Variants in MAP3K20 observed in about 807,000 individuals in gnomAD.
MAP3K20 encodes HCCS-4.
Under a neutral mutation model 85.7 loss-of-function variants are expected in MAP3K20, and 40 were observed. The ratio of observed to expected loss-of-function variants is 0.47; its 90% CI spans 0.36 to 0.61. The LOEUF (loss-of-function observed/expected upper bound fraction) is 0.61, where lower values mean the gene tolerates loss of function less well. Ranked by LOEUF, MAP3K20 falls within the 20% of genes least tolerant of loss-of-function variation. MAP3K20 has a pLI of 0.00. For synonymous variants in MAP3K20, 325 were observed against 327.7 expected (o/e 0.99, Z 0.09); for missense variants, 817 against 961.7 (o/e 0.85, Z 1.99).
intron 2 of MAP3K20, among the ~76,000 whole-genome samples, chr2:173,115,507 G>A (rs1157944831): frequency 6.6e-6 from 1 of 152,282 alleles, no homozygotes; most frequent in South Asian, 2.1e-4. Flanking sequence ...TATATTACCA[G>A]AGTTGGGTTT....
chr2:173,129,747 CT>C (rs1227207469), intron 2 of MAP3K20, among the ~76,000 whole-genome samples: 2 of 152,196 alleles, frequency 1.3e-5, no homozygotes, highest in Non-Finnish European at 2.9e-5. Context: ...TTTATCTATA[CT>C]TGACCTATTA....
rs1306959129 is a variant in MAP3K20 at position 173,247,696 on chromosome 2, C to T, written c.1359+8200C>T. On this transcript the variant is annotated intron_variant, in intron 16 of 19. Coordinates refer to ENST00000375213, the MANE Select transcript of MAP3K20 (RefSeq NM_016653.3). Reference sequence around the variant, plus strand: ...TTTGCAAATTTGATCTCATGTTAAGCATTCTTATAAAAATAATAACTAATA... The same window carrying T: ...TTTGCAAATTTGATCTCATGTTAAGTATTCTTATAAAAATAATAACTAATA... 2.6e-5 allele frequency among the ~76,000 whole-genome samples: 4 copies of T among 152,234 alleles called. 1 individual carries two copies. The Middle Eastern group carries it at 0.01, about 388-fold the overall frequency.
intron 1 of MAP3K20, 30 bp downstream of exon 1, chr2:173,076,032 C>CGGGG (rs1344214730): frequency 1.0e-6 from 1 of 982,314 alleles, no homozygotes; most frequent in African/African-American, 1.8e-5. Flanking sequence ...CCGCGGAGGG[C>CGGGG]GGGGAGGGAG....
chr2:173,134,426 A>ATTTTTTTTTTTT (rs1457014949), intron 2 of MAP3K20, among the ~76,000 whole-genome samples: 12 of 4,672 alleles, frequency 2.6e-3, no homozygotes, highest in Non-Finnish European at 3.9e-3. Context: ...ATATATATAT[A>ATTTTTTTTTTTT]TATTTTTTTT....
intron 2 of MAP3K20, among the ~76,000 whole-genome samples, chr2:173,120,307 C>T (rs1405182183): frequency 1.3e-5 from 2 of 152,056 alleles, no homozygotes; most frequent in Non-Finnish European, 2.9e-5. Context: ...AGCAGTCCTG[C>T]CTTTTATTGA....
chr2:173,266,242 A>G lies in MAP3K20; in HGVS notation c.1895A>G (p.Gln632Arg). The change falls in exon 20 of 20, where the codon CAG (glutamine) becomes CGG (arginine). Residue 632 changes from glutamine (Q) to arginine (R), a missense_variant. Gln to Arg is a conservative substitution (Grantham distance 43). This residue lies in a region of MAP3K20 where 454 missense variants were observed against 476.9 expected (regional missense o/e 0.95). Coordinates refer to ENST00000375213, the MANE Select transcript of MAP3K20 (RefSeq NM_016653.3). ...TATCAACAGATTACACCTGTGAACC[A>G]GTCCAGAAGCTCGTCTCCTACTCAG... is the stretch of plus-strand genomic sequence containing the variant. ...IKYQQITPVNQSRSSSPTQYG... is the reference protein window; with the variant it reads ...IKYQQITPVNRSRSSSPTQYG... 6.2e-7 allele frequency: 1 copy of G among 1,614,108 alleles called. No individual in the cohort carries two copies. Among genetic ancestry groups the G allele is most frequent in the Non-Finnish European group, 8.5e-7 (1 of 1,180,008 alleles).
intron 2 of MAP3K20, among the ~76,000 whole-genome samples, chr2:173,092,429 A>G (rs1649885489): frequency 6.6e-6 from 1 of 152,190 alleles, no homozygotes; most frequent in African/African-American, 2.4e-5. Flanking sequence ...TAGCTGATCA[A>G]TTCTTTAAGT....
chr2:173,143,374 G>C (rs1274433341), intron 2 of MAP3K20, among the ~76,000 whole-genome samples: 2 of 152,088 alleles, frequency 1.3e-5, no homozygotes, highest in African/African-American at 4.8e-5. Flanking sequence ...AAAAGAAATA[G>C]ACAAATTCAC....
At chr2:173,122,501 T>G (rs916830240) in intron 2 of MAP3K20, among the ~76,000 whole-genome samples, 1 of 152,196 alleles carries the variant, frequency 6.6e-6, no homozygotes, top group East Asian at 1.9e-4. Flanking sequence ...TGGAGGAGGA[T>G]TTATGGTATA....
chr2:173,264,997 A>G (rs1685380809), intron 19 of MAP3K20, among the ~76,000 whole-genome samples: 1 of 152,168 alleles, frequency 6.6e-6, no homozygotes, highest in Admixed American at 6.5e-5. Flanking sequence ...AATGGCTAAG[A>G]TGGAAAATGT....
At chr2:173,236,058 G>T (rs2106334494) in intron 14 of MAP3K20, among the ~76,000 whole-genome samples, 1 of 152,246 alleles carries the variant, frequency 6.6e-6, no homozygotes, top group South Asian at 2.1e-4. Flanking sequence ...TTGAAACCAG[G>T]AGTTCAAGAC....
At chr2:173,089,193 A>AAC (rs1345653796) in intron 1 of MAP3K20, among the ~76,000 whole-genome samples, 2 of 151,978 alleles carry the variant, frequency 1.3e-5, no homozygotes, top group African/African-American at 4.8e-5. Context: ...TAAAAAAAAA[A>AAC]AACTCACAGA....
rs75539603 is a variant in MAP3K20, at chr2:173,119,285, G to T, written c.159+28095G>T. Among the ~76,000 whole-genome samples, 159 of 152,312 alleles carry T rather than the reference G, an allele frequency of 1.0e-3. 5 individuals carry two copies. The East Asian group carries it at 0.029, about 28-fold the overall frequency. On this transcript the variant is annotated intron_variant, in intron 2 of 19. Transcript: ENST00000375213. ...CTGCTGGGGGTCCAGTGACGATCTC[G>T]AGTGTGTCATGGGGCAGAGCTGGTG...
At chr2:173,107,455 G>A (rs1271259716) in intron 2 of MAP3K20, among the ~76,000 whole-genome samples, 5 of 152,106 alleles carry the variant, frequency 3.3e-5, no homozygotes, top group Admixed American at 2.0e-4. Flanking sequence ...GGGGGCAGCC[G>A]GAGCCGGTTG....
chr2:173,134,407 TATATATATATATA>T (rs1688722789), intron 2 of MAP3K20, among the ~76,000 whole-genome samples: 3 of 10,448 alleles, frequency 2.9e-4, no homozygotes, highest in Admixed American at 1.0e-3. Flanking sequence ...TATATATATA[TATATATATATATA>T]TATATATATT....
chr2:173,205,268 GAGACTAAAAAGAA>G (rs1454625000), intron 9 of MAP3K20, among the ~76,000 whole-genome samples: 1 of 152,002 alleles, frequency 6.6e-6, no homozygotes, highest in Admixed American at 6.6e-5. Flanking sequence ...CTTTTAAACA[GAGACTAAAAAGAA>G]AGACTAAAGA....
intron 2 of MAP3K20, among the ~76,000 whole-genome samples, chr2:173,115,389 A>G (rs527611260): frequency 6.6e-6 from 1 of 152,276 alleles, no homozygotes; most frequent in Admixed American, 6.5e-5. Context: ...TTTAATAACT[A>G]ACGTCCTTAA....
chr2:173,105,287 T>C (rs1384048512), intron 2 of MAP3K20, among the ~76,000 whole-genome samples: 1 of 152,122 alleles, frequency 6.6e-6, no homozygotes, highest in Non-Finnish European at 1.5e-5. Flanking sequence ...TGGTTGAATT[T>C]GGGGTAGAGT....
intron 17 of MAP3K20, among the ~76,000 whole-genome samples, chr2:173,259,374 T>A (rs993792480): frequency 6.6e-6 from 1 of 152,188 alleles, no homozygotes; most frequent in African/African-American, 2.4e-5. Context: ...AAGAAAGACT[T>A]GTGGAAATGC....
Sources: allele counts gnomAD v4.1 joint callset (sites outside exome capture counted in the v4.1 genomes callset), GRCh38; gene constraint gnomAD v4.1.1; regional missense constraint gnomAD v4.1.1; transcripts MANE v1.5; gene names NCBI Gene and HGNC (gene_info 2026-07-23, HGNC 2026-07-21).